The following MGAT4C variants were observed in gnomAD, a reference collection of about 807,000 sequenced individuals.
MGAT4C encodes alpha-1,3-mannosyl-glycoprotein 4-beta-N-acetylglucosaminyltransferase C.
In MGAT4C, 19 loss-of-function variants were observed where a neutral mutation model predicts 40.1. The observed-to-expected ratio is 0.47, with a 90% CI of 0.33 to 0.70. MGAT4C has a LOEUF of 0.70. MGAT4C is among the 30% of genes least tolerant of loss of function. The probability of loss-of-function intolerance (pLI) is 0.02; values close to 1 mark genes in which losing one functional copy is unlikely to be tolerated. For missense variants in MGAT4C, 491 were observed against 563.2 expected, an observed-to-expected ratio of 0.87 and a Z score of 1.30; for synonymous variants, 181 against 187.1, an observed-to-expected ratio of 0.97 and a Z score of 0.27.
At chr12:86,603,033 A>G (rs1287112233) in intron 2 of MGAT4C, among the ~76,000 whole-genome samples, 2 of 151,674 alleles carry the variant, frequency 1.3e-5, no homozygotes, top group African/African-American at 4.8e-5. Flanking sequence ...ATATGGCACA[A>G]TGTCACTTAT....
intron 3 of MGAT4C, among the ~76,000 whole-genome samples, chr12:86,431,389 G>T (rs150677834): frequency 3.9e-5 from 6 of 152,260 alleles, no homozygotes; most frequent in African/African-American, 1.4e-4. Flanking sequence ...ATCTTAGAAT[G>T]CTAGGGACAC....
chr12:86,419,984 G>A, intron 3 of MGAT4C, among the ~76,000 whole-genome samples: 1 of 147,922 alleles, frequency 6.8e-6, no homozygotes, highest in South Asian at 2.2e-4. Flanking sequence ...CTTTCCCATA[G>A]TTTAGGAATT....
chr12:86,181,782 A>G (rs914359156), intron 1 of MGAT4C, among the ~76,000 whole-genome samples: 5 of 152,036 alleles, frequency 3.3e-5, no homozygotes, highest in African/African-American at 1.2e-4. Context: ...AATAAAAGCA[A>G]TAGGTCTCTT....
intron 1 of MGAT4C, among the ~76,000 whole-genome samples, chr12:86,225,132 A>T (rs1326767584): frequency 6.6e-6 from 1 of 151,946 alleles, no homozygotes; most frequent in East Asian, 1.9e-4. Flanking sequence ...TTTATAACTG[A>T]TAAAAGATCA....
At chr12:86,610,802 T>C (rs1962229072) in intron 2 of MGAT4C, among the ~76,000 whole-genome samples, 1 of 129,286 alleles carries the variant, frequency 7.7e-6, no homozygotes, top group African/African-American at 2.9e-5. Flanking sequence ...GAAAAATACC[T>C]GTAAAAGTAA....
intron 2 of MGAT4C, among the ~76,000 whole-genome samples, chr12:86,588,842 C>A (rs1316857633): frequency 6.6e-6 from 1 of 151,916 alleles, no homozygotes; most frequent in African/African-American, 2.4e-5. Flanking sequence ...TAAAGATGTT[C>A]TTTGAAACCA....
chr12:86,427,847 C>G (rs567644189), intron 3 of MGAT4C, among the ~76,000 whole-genome samples: 2 of 152,020 alleles, frequency 1.3e-5, no homozygotes, highest in Non-Finnish European at 2.9e-5. Context: ...GGTGAAACCC[C>G]GTCTCTACTA....
intron 3 of MGAT4C, among the ~76,000 whole-genome samples, chr12:86,391,874 A>AT (rs1416392368): frequency 1.3e-5 from 2 of 152,062 alleles, no homozygotes; most frequent in Non-Finnish European, 2.9e-5. Flanking sequence ...AAGAAAAAAA[A>AT]AGTTGGCATT....
intron 2 of MGAT4C, among the ~76,000 whole-genome samples, chr12:86,452,134 A>G (rs1383442709): frequency 6.6e-6 from 1 of 151,682 alleles, no homozygotes; most frequent in African/African-American, 2.4e-5. Context: ...TCTACAAGGT[A>G]GAGCTCTTCT....
chr12:86,586,461 T>C (rs1177469497), intron 2 of MGAT4C, among the ~76,000 whole-genome samples: 1 of 60,632 alleles, frequency 1.6e-5, no homozygotes, highest in African/African-American at 4.4e-5. Flanking sequence ...TTTGGGTATA[T>C]ATCCAGTAAT....
At chr12:86,592,615 T>C (rs1007606175) in intron 2 of MGAT4C, among the ~76,000 whole-genome samples, 13 of 152,092 alleles carry the variant, frequency 8.5e-5, no homozygotes, top group African/African-American at 2.7e-4. Context: ...ATTAAATCTG[T>C]AGGGAGAGGC....
intron 2 of MGAT4C, among the ~76,000 whole-genome samples, chr12:86,605,990 AC>A (rs1962029284): frequency 6.6e-6 from 1 of 152,132 alleles, no homozygotes; most frequent in Non-Finnish European, 1.5e-5. Flanking sequence ...TAGAAAGCTT[AC>A]CATTATGTCA....
chr12:86,725,885 T>C (rs1007729775), intron 2 of MGAT4C, among the ~76,000 whole-genome samples: 5 of 151,844 alleles, frequency 3.3e-5, no homozygotes, highest in African/African-American at 7.3e-5. Flanking sequence ...CAAACAACCT[T>C]TCCAAATGTG....
chr12:86,428,635 T>G (rs2136266039), intron 3 of MGAT4C, among the ~76,000 whole-genome samples: 1 of 152,372 alleles, frequency 6.6e-6, no homozygotes, highest in Non-Finnish European at 1.5e-5. Flanking sequence ...TTTTTCTTAC[T>G]TATTATATTC....
At chr12:86,377,894 C>G (rs1323235185) in intron 3 of MGAT4C, among the ~76,000 whole-genome samples, 1 of 152,104 alleles carries the variant, frequency 6.6e-6, no homozygotes, top group African/African-American at 2.4e-5. Flanking sequence ...TGGCAACCAC[C>G]ATTCTACTTG....
intron 2 of MGAT4C, among the ~76,000 whole-genome samples, chr12:86,565,243 G>T (rs1251536750): frequency 2.6e-5 from 4 of 152,102 alleles, no homozygotes; most frequent in African/African-American, 9.7e-5. Flanking sequence ...GCTCAAGCAG[G>T]TCCTGACGTC....
intron 2 of MGAT4C, among the ~76,000 whole-genome samples, chr12:86,576,029 GGATGA>G (rs1226865405): frequency 6.6e-6 from 1 of 151,762 alleles, no homozygotes; most frequent in African/African-American, 2.4e-5. Flanking sequence ...ATTTTAACTG[GGATGA>G]GATGATATCT....
At chr12:86,818,297 A>T in intron 1 of MGAT4C, among the ~76,000 whole-genome samples, 1 of 151,396 alleles carries the variant, frequency 6.6e-6, no homozygotes, top group East Asian at 1.9e-4. Context: ...TAAAATAACA[A>T]ATCAGAATAA....
chr12:86,373,749 G>T (rs1955767653), intron 3 of MGAT4C, among the ~76,000 whole-genome samples: 1 of 151,490 alleles, frequency 6.6e-6, no homozygotes, highest in Admixed American at 6.6e-5. Context: ...ACAGTGAAGG[G>T]GTCAATAGGC....
Sources: gnomAD v4.1 joint callset for allele counts (sites outside exome capture counted in the v4.1 genomes callset) on GRCh38, gnomAD v4.1.1 for gene constraint, MANE v1.5 for transcripts, NCBI Gene and HGNC (gene_info 2026-07-23, HGNC 2026-07-21) for gene names.